Variants in PCDHA5 observed in about 807,000 individuals in gnomAD.
PCDHA5 encodes the protein protocadherin alpha-5.
A neutral mutation model predicts 61.6 loss-of-function variants in PCDHA5; 43 were observed. The observed-to-expected ratio is 0.70, with a 90% CI of 0.55 to 0.90. The LOEUF is 0.90. Among genes scored for constraint, PCDHA5 ranks in the 40% least tolerant of loss-of-function variants. The pLI, the probability that PCDHA5 is intolerant of heterozygous loss-of-function variation, is 0.00. For missense variants in PCDHA5, 1,298 were observed against 1,222.7 expected (o/e 1.06, Z -0.92); for synonymous variants, 627 against 543.9 (o/e 1.15, Z -2.13).
chr5:140,899,267 G>C lies in PCDHA5; in HGVS notation c.2352+75140G>C, dbSNP rs1397421903. Among the ~76,000 whole-genome samples, 367 of 152,064 alleles carry C rather than the reference G, an allele frequency of 2.4e-3. 2 individuals carry two copies. The highest frequency in any genetic ancestry group is 8.5e-3 in the African/African-American group (354 of 41,454). On this transcript the variant is annotated intron_variant, in intron 1 of 3. Coordinates refer to ENST00000529859, the MANE Select transcript of PCDHA5 (RefSeq NM_018908.3). ...TGAGAGAGGGCATCCCTGTCTTGTGGCAGTTTTCAAAGGGAATACTTCCAG... is the reference window on the plus strand; with the variant it reads ...TGAGAGAGGGCATCCCTGTCTTGTGCCAGTTTTCAAAGGGAATACTTCCAG...
chr5:140,822,542 G>C lies in PCDHA5; in HGVS notation c.767G>C (p.Ser256Thr), dbSNP rs2150117132. Residue 256 changes from serine (S) to threonine (T), a missense_variant, in exon 1 of 4, where the codon AGT (serine) becomes ACT (threonine). Physicochemically the swap from Ser to Thr is moderately conservative, Grantham distance 58. Coordinates refer to ENST00000529859, the MANE Select transcript of PCDHA5 (RefSeq NM_018908.3). ...YNVRLLENAP[S>T]GTLVIKLNAS... ...GTCAGATTGTTGGAAAATGCACCAA[G>C]TGGGACATTAGTTATTAAACTGAAC... 8.2e-5 allele frequency: 132 copies of C among 1,613,806 alleles called. No homozygotes were observed. The highest frequency in any genetic ancestry group is 6.6e-4 in the Middle Eastern group (4 of 6,062).
intron 1 of PCDHA5, chr5:140,870,529 G>A (rs2052113654): frequency 6.2e-7 from 1 of 1,614,096 alleles, no homozygotes. Context: ...CATCTTCACA[G>A]TGTCGGCGCG....
chr5:140,969,023 C>T lies in PCDHA5; in HGVS notation c.2353-9926C>T. ...CTTCTGTGGAGTAAGGGAAAGGTCC[C>T]CTGCAGAACTGTACAAACAAGCCAA... is the stretch of plus-strand genomic sequence containing the variant. On this transcript the variant is annotated intron_variant, in intron 1 of 3. Coordinates refer to ENST00000529859, the MANE Select transcript of PCDHA5 (RefSeq NM_018908.3). The T allele has an allele frequency of 3.1e-6, 5 of 1,614,124 alleles. No homozygotes were observed. In the Admixed American group the frequency reaches 5.0e-5, roughly 16 times the overall value.
At chr5:141,008,745 G>A (rs759690147) in intron 3 of PCDHA5, among the ~76,000 whole-genome samples, 5 of 152,200 alleles carry the variant, frequency 3.3e-5, no homozygotes, top group Non-Finnish European at 7.3e-5. Context: ...TGAGCACACT[G>A]AGGGAAGGAA....
intron 3 of PCDHA5, among the ~76,000 whole-genome samples, chr5:140,986,867 C>A (rs1238623584): frequency 6.6e-6 from 1 of 152,140 alleles, no homozygotes; most frequent in Non-Finnish European, 1.5e-5. Flanking sequence ...TACCCGGAAA[C>A]TTGTTAGAAA....
chr5:140,887,291 T>G (rs2153419358), intron 1 of PCDHA5, among the ~76,000 whole-genome samples: 1 of 152,074 alleles, frequency 6.6e-6, no homozygotes, highest in South Asian at 2.1e-4. Flanking sequence ...AGAGATGGGG[T>G]TTCATCTTGT....
chr5:140,915,458 G>T (rs1172885235), intron 1 of PCDHA5, among the ~76,000 whole-genome samples: 11 of 152,126 alleles, frequency 7.2e-5, no homozygotes, highest in African/African-American at 2.2e-4. Flanking sequence ...TTTCCAGAAG[G>T]TTTTTATTTG....
At position 140,871,104 on chromosome 5, in the gene PCDHA5, G is replaced by A. The variant is rs377444052; in HGVS notation, c.2352+46977G>A. 1,642 of 1,613,308 alleles carry A rather than the reference G, an allele frequency of 1.0e-3. 2 individuals are homozygous for A. Among genetic ancestry groups the A allele is most frequent in the Non-Finnish European group, 1.0e-3 (1,175 of 1,179,876 alleles). On this transcript the variant is annotated intron_variant, in intron 1 of 3. Coordinates refer to ENST00000529859, the MANE Select transcript of PCDHA5 (RefSeq NM_018908.3). ...CGGCCACGGCCACCGTGCTGGTGTC[G>A]TTGGTGGAGAGCGGACAGGCGCCAA...
intron 1 of PCDHA5, chr5:140,843,437 G>A: frequency 6.3e-7 from 1 of 1,596,076 alleles, no homozygotes; most frequent in Non-Finnish European, 8.6e-7. Context: ...CGCCATCTGC[G>A]CGGTATCCAG....
intron 1 of PCDHA5, chr5:140,825,453 A>G (rs1562282802): frequency 2.0e-5 from 3 of 148,792 alleles, no homozygotes; most frequent in Admixed American, 1.4e-4. Flanking sequence ...TATATATCAG[A>G]TATTTTGATA....
intron 1 of PCDHA5, among the ~76,000 whole-genome samples, chr5:140,887,132 T>A (rs2061321769): frequency 6.6e-6 from 1 of 151,950 alleles, no homozygotes; most frequent in Non-Finnish European, 1.5e-5. Context: ...AGTCTCACTC[T>A]GTCGCCCAGG....
At chr5:140,960,832 G>T (rs141442734) in intron 1 of PCDHA5, among the ~76,000 whole-genome samples, 1 of 152,230 alleles carries the variant, frequency 6.6e-6, no homozygotes, top group African/African-American at 2.4e-5. Flanking sequence ...TGGAAACTTG[G>T]AACAGGTTTA....
chr5:140,963,348 T>C (rs1415746589), intron 1 of PCDHA5, among the ~76,000 whole-genome samples: 7 of 152,234 alleles, frequency 4.6e-5, no homozygotes, highest in Admixed American at 4.6e-4. Context: ...GTAAATTTAG[T>C]TCTTTTCAAA....
intron 1 of PCDHA5, among the ~76,000 whole-genome samples, chr5:140,902,858 C>T (rs1275375548): frequency 6.6e-6 from 1 of 152,110 alleles, no homozygotes; most frequent in African/African-American, 2.4e-5. Context: ...AAATGGCGTC[C>T]AGGTCCACCC....
At chr5:140,927,186 C>T in intron 1 of PCDHA5, 1 of 1,614,174 alleles carries the variant, frequency 6.2e-7, no homozygotes, top group East Asian at 2.2e-5. Context: ...TGACCTACGA[C>T]CTGGTGCTCG....
intron 1 of PCDHA5, chr5:140,843,829 G>C: frequency 8.5e-7 from 1 of 1,170,244 alleles, no homozygotes; most frequent in Non-Finnish European, 1.2e-6. Context: ...TTTAAACATT[G>C]TTTAGTTTTT....
At chr5:140,988,007 A>G (rs2097277966) in intron 3 of PCDHA5, among the ~76,000 whole-genome samples, 1 of 152,230 alleles carries the variant, frequency 6.6e-6, no homozygotes, top group Non-Finnish European at 1.5e-5. Context: ...TTCCCCAGAA[A>G]GAAAGCATGA....
intron 1 of PCDHA5, chr5:140,881,486 T>G: frequency 2.8e-6 from 1 of 355,652 alleles, no homozygotes; most frequent in African/African-American, 2.2e-5. Flanking sequence ...ATTATTGTGT[T>G]TATGCACATA....
chr5:141,000,904 T>A lies in PCDHA5; in HGVS notation c.2501-8723T>A, dbSNP rs1398868730. Among the ~76,000 whole-genome samples, 6 of 151,990 alleles carry A rather than the reference T, an allele frequency of 3.9e-5. No individual in the cohort carries two copies. The East Asian group carries it at 1.2e-3, about 29-fold the overall frequency. On this transcript the variant is annotated intron_variant, in intron 3 of 3. Coordinates refer to ENST00000529859, the MANE Select transcript of PCDHA5 (RefSeq NM_018908.3). ...ACCTGGGCAACAGATATAGACGCTGTCTCTAAAAAAAAAAATCCTGTGTGA... is the reference window on the plus strand; with the variant it reads ...ACCTGGGCAACAGATATAGACGCTGACTCTAAAAAAAAAAATCCTGTGTGA...
Sources: gnomAD v4.1 joint callset for allele counts (sites outside exome capture counted in the v4.1 genomes callset) on GRCh38, gnomAD v4.1.1 for gene constraint, MANE v1.5 for transcripts, NCBI Gene and HGNC (gene_info 2026-07-23, HGNC 2026-07-21) for gene names.